The following PTPRH variants were observed in gnomAD, a reference collection of about 807,000 sequenced individuals.
PTPRH encodes the protein receptor-type tyrosine-protein phosphatase H.
Under a neutral mutation model 130.2 loss-of-function variants are expected in PTPRH, and 113 were observed. That is an observed-to-expected ratio of 0.87 (90% CI 0.75 to 1.01). The LOEUF (loss-of-function observed/expected upper bound fraction) is 1.01. PTPRH is among the 50% of genes least tolerant of loss of function. PTPRH has a pLI of 0.00. For missense variants in PTPRH, 1,430 were observed against 1,425.0 expected (o/e 1.00, Z -0.06); for synonymous variants, 556 against 577.9 (o/e 0.96, Z 0.54).
chr19:55,197,219 A>G lies in PTPRH; in HGVS notation c.1888T>C (p.Tyr630His), dbSNP rs1175462221. ...CCGGGTTCCAGGGCCTCCACTTTGT[A>G]CCACGTCTCATTGGTCCTGCTGGTC... ...NQTSRTNETW[Y>H]KVEALEPGTL... The change falls in exon 9 of 20, where the codon TAC (tyrosine) becomes CAC (histidine). Residue 630 changes from tyrosine to histidine, a missense_variant. Physicochemically the swap from Tyr to His is moderately conservative, Grantham distance 83 (BLOSUM62 2). Coordinates refer to ENST00000376350, the MANE Select transcript of PTPRH (RefSeq NM_002842.5). The G allele has an allele frequency of 4.3e-6, 7 of 1,614,206 alleles. No individual in the cohort carries two copies. In the South Asian group the frequency reaches 6.6e-5, roughly 15 times the overall value.
intron 1 of PTPRH, among the ~76,000 whole-genome samples, chr19:55,207,438 T>C (rs78703538): frequency 0.061 from 9,237 of 152,196 alleles, 314 homozygotes; most frequent in African/African-American, 0.092. Context: ...CCGATAAGGC[T>C]GAGAGATAAA....
At chr19:55,187,944 C>T (rs1486525569) in intron 13 of PTPRH, 134 bp downstream of exon 13, 1 of 669,232 alleles carries the variant, frequency 1.5e-6, no homozygotes, top group African/African-American at 1.8e-5. Context: ...CTGGGAATCT[C>T]TGCACAATCC....
Position 55,206,983 on chromosome 19 carries a change from A to G in PTPRH, c.86-28T>C, listed in dbSNP as rs554764929. 1.1e-5 allele frequency: 17 copies of G among 1,570,270 alleles called. No homozygotes were observed. In the South Asian group the frequency reaches 1.9e-4, roughly 18 times the overall value. ...GAGAATTGGGAAGGAAGGTCTGACAAAAAGGGAACCAGGTCAGTACAATCC... is the reference window on the plus strand; with the variant it reads ...GAGAATTGGGAAGGAAGGTCTGACAGAAAGGGAACCAGGTCAGTACAATCC... On this transcript the variant is annotated intron_variant, in intron 2 of 19. Coordinates refer to ENST00000376350, the MANE Select transcript of PTPRH (RefSeq NM_002842.5).
At position 55,186,680 on chromosome 19, in the gene PTPRH, C is replaced by T. The variant is rs1026185310; in HGVS notation, c.2567-140G>A. On this transcript the variant is annotated intron_variant, in intron 14 of 19. Transcript: ENST00000376350. Reference sequence around the variant, plus strand: ...AAGTCATGCCGAGACGCAGGCAGACCTTGGGAGCTACACAGGGACTGAGAG... The same window carrying T: ...AAGTCATGCCGAGACGCAGGCAGACTTTGGGAGCTACACAGGGACTGAGAG... The T allele has an allele frequency of 1.2e-5, 4 of 341,508 alleles. No homozygotes were observed. In the African/African-American group the frequency reaches 6.3e-4, roughly 54 times the overall value. The allele number at this position is 341,508 out of a possible 1,614,324, so 21.2% of individuals were successfully genotyped here.
In PTPRH at chr19:55,206,969, A is replaced by G; in HGVS notation, c.86-14T>C. 6.3e-7 allele frequency: 1 copy of G among 1,577,528 alleles called. No individual in the cohort carries two copies. The highest frequency in any genetic ancestry group is 1.2e-5 in the South Asian group (1 of 85,778). Reference sequence around the variant, plus strand: ...CTGGGTTGGGGGCTGAGAATTGGGAAGGAAGGTCTGACAAAAAGGGAACCA... The same window carrying G: ...CTGGGTTGGGGGCTGAGAATTGGGAGGGAAGGTCTGACAAAAAGGGAACCA... On this transcript the variant is annotated splice_polypyrimidine_tract_variant and intron_variant, in intron 2 of 19. Transcript: ENST00000376350.
intron 6 of PTPRH, 30 bp downstream of exon 6, chr19:55,202,026 G>A (rs2086878518): frequency 1.2e-6 from 2 of 1,609,928 alleles, no homozygotes; most frequent in Non-Finnish European, 1.7e-6. Flanking sequence ...AAACAAATAA[G>A]AGATCAAACA....
chr19:55,209,419 G>A lies in PTPRH; in HGVS notation c.15C>T (p.Gly5=), dbSNP rs769746858. 32 of 1,557,052 alleles carry A rather than the reference G, an allele frequency of 2.1e-5. No individual in the cohort carries two copies. Among genetic ancestry groups the A allele is most frequent in the Non-Finnish European group, 2.7e-5 (31 of 1,149,474 alleles). The change falls in exon 1 of 20, where the codon GGC becomes GGT. Residue 5 remains glycine (G), a synonymous_variant. Transcript: ENST00000376350. The surrounding 1 kb of genome is among the most constrained non-coding windows in gnomAD (Gnocchi z 4.1). ...GGTTCCCCCAGACCCCGAGGCCCCCGCCAGCCCCAGCCATGCCTCCAGACA... is the reference window on the plus strand; with the variant it reads ...GGTTCCCCCAGACCCCGAGGCCCCCACCAGCCCCAGCCATGCCTCCAGACA... MAGA[G]GGLGVWGNLV...
At chr19:55,189,778 C>G (rs921002941) in intron 12 of PTPRH, 5 of 454,438 alleles carry the variant, frequency 1.1e-5, no homozygotes, top group African/African-American at 1.0e-4. Context: ...GCCAGAAGTT[C>G]AAGACCAGCC....
intron 10 of PTPRH, chr19:55,193,898 G>C: frequency 4.7e-6 from 1 of 212,370 alleles, no homozygotes; most frequent in Non-Finnish European, 9.7e-6. Context: ...GCCCAGGCCG[G>C]AGTGCAATGG....
Position 55,191,716 on chromosome 19 carries a change from G to A in PTPRH, c.2283C>T (p.Gly761=), listed in dbSNP as rs2086542504. 3 of 1,614,040 alleles carry A rather than the reference G, an allele frequency of 1.9e-6. No individual in the cohort carries two copies. The highest frequency in any genetic ancestry group is 1.7e-6 in the Non-Finnish European group (2 of 1,179,980). ...CCACGAGGATGAGAAACAGGAGGAT[G>A]CCCACAAAGGCTCCGGCAATGACCC... ...SAGVIAGAFV[G]ILLFLILVGL... Residue 761 remains glycine (G), a synonymous_variant, in exon 11 of 20, where the codon GGC becomes GGT. Transcript: ENST00000376350.
rs149834920 is a variant in PTPRH at position 55,185,927 on chromosome 19, G to T, written c.2836C>A (p.Arg946=). 6.2e-7 allele frequency: 1 copy of T among 1,614,122 alleles called. No individual in the cohort carries two copies. Among genetic ancestry groups the T allele is most frequent in the Non-Finnish European group, 8.5e-7 (1 of 1,180,008 alleles). Reference sequence around the variant, plus strand: ...ACTTCCTCACCTACCAGGGTTACCCGCAGGTGCCCATGGGTGCAGGGCTGC... The same window carrying T: ...ACTTCCTCACCTACCAGGGTTACCCTCAGGTGCCCATGGGTGCAGGGCTGC... ...DSQPCTHGHL[R]VTLVGEEVME... The change falls in exon 17 of 20, where the codon CGG becomes AGG. Residue 946 remains arginine, a synonymous_variant. Transcript: ENST00000376350.
Position 55,206,914 on chromosome 19 carries a change from T to TG in PTPRH, c.126dup (p.Thr43HisfsTer66). ...TCCCAGCTCAGGGAGATGGAGCTGG[T>TG]GGTCTGAGTCTCCACTGTCAGGTTC... On this transcript the variant is annotated frameshift_variant, in exon 3 of 20. Coordinates refer to ENST00000376350, the MANE Select transcript of PTPRH (RefSeq NM_002842.5). LOFTEE classifies it high-confidence loss of function. 6.2e-7 allele frequency: 1 copy of TG among 1,611,124 alleles called. No individual in the cohort carries two copies. Among genetic ancestry groups the TG allele is most frequent in the Non-Finnish European group, 8.5e-7 (1 of 1,178,028 alleles).
chr19:55,205,652 C>T, intron 3 of PTPRH, 60 bp from the exon 4 acceptor site: 1 of 1,593,398 alleles, frequency 6.3e-7, no homozygotes, highest in Non-Finnish European at 8.6e-7. Context: ...ACTTTCCAGC[C>T]CTTCCTTAAC....
rs986930518 is a variant in PTPRH at position 55,186,664 on chromosome 19, C to T, written c.2567-124G>A. 3.3e-5 allele frequency: 13 copies of T among 398,556 alleles called. No homozygotes were observed. The East Asian group carries it at 5.7e-4, about 17-fold the overall frequency. 24.7% of individuals were successfully genotyped at this position (398,556 alleles called of 1,614,324 possible). A position where few individuals can be genotyped will look rare whatever the true frequency, so the allele number is the denominator to read the frequency against. ...CAAGACCCATGGACAAAAGTCATGC[C>T]GAGACGCAGGCAGACCTTGGGAGCT... On this transcript the variant is annotated intron_variant, in intron 14 of 19. Transcript: ENST00000376350.
At chr19:55,202,614 T>TATATACAC (rs2086900445) in intron 5 of PTPRH, among the ~76,000 whole-genome samples, 1 of 150,398 alleles carries the variant, frequency 6.6e-6, no homozygotes, top group Non-Finnish European at 1.5e-5. Context: ...CACACACATA[T>TATATACAC]ATATACACAT....
At chr19:55,189,321 T>C (rs1446556958) in intron 12 of PTPRH, among the ~76,000 whole-genome samples, 1 of 152,178 alleles carries the variant, frequency 6.6e-6, no homozygotes, top group East Asian at 1.9e-4. Flanking sequence ...TTCCACATGT[T>C]AGACTTCTTC....
intron 10 of PTPRH, 56 bp downstream of exon 10, chr19:55,196,466 G>A: frequency 6.4e-7 from 1 of 1,563,134 alleles, no homozygotes; most frequent in East Asian, 2.3e-5. Flanking sequence ...AATGGGGCCT[G>A]ATGGGGTCTA....
intron 18 of PTPRH, among the ~76,000 whole-genome samples, chr19:55,183,687 G>A (rs2086241092): frequency 6.6e-6 from 1 of 152,036 alleles, no homozygotes; most frequent in Non-Finnish European, 1.5e-5. Flanking sequence ...TCGCACCGTT[G>A]CACTCCAGCC....
chr19:55,205,372 T>C lies in PTPRH; in HGVS notation c.573A>G (p.Gly191=), dbSNP rs529227104. The C allele has an allele frequency of 2.0e-5, 33 of 1,614,196 alleles. No homozygotes were observed. In the East Asian group the frequency reaches 3.6e-4, roughly 17 times the overall value. ...CCCGGGAGCTGTTGATTCCATTCTT[T>C]CCCACCCACATGGAAAACGCATACA... The part of the protein sequence containing the change: ...GCLYAFSMWV[G]KNGINSSRET... The change falls in exon 4 of 20, where the codon GGA becomes GGG. Residue 191 remains glycine, a synonymous_variant. Coordinates refer to ENST00000376350, the MANE Select transcript of PTPRH (RefSeq NM_002842.5).
Sources: allele counts gnomAD v4.1 joint callset (sites outside exome capture counted in the v4.1 genomes callset), GRCh38; gene constraint gnomAD v4.1.1; non-coding constraint Gnocchi (gnomAD v3.1); transcripts MANE v1.5; gene names NCBI Gene and HGNC (gene_info 2026-07-23, HGNC 2026-07-21).